Variants in ELMO1 observed in about 807,000 individuals in gnomAD.
ELMO1 encodes engulfment and cell motility 1.
ELMO1 carries 26 observed loss-of-function variants against 98.9 expected under a neutral mutation model. The ratio of observed to expected loss-of-function variants is 0.26; its 90% CI spans 0.19 to 0.36. The LOEUF is 0.36. Among genes scored for constraint, ELMO1 ranks in the 10% least tolerant of loss-of-function variants. The pLI, the probability that ELMO1 is intolerant of heterozygous loss-of-function variation, is 1.00. For missense variants in ELMO1, 627 were observed against 935.2 expected, an observed-to-expected ratio of 0.67 and a Z score of 4.30; for synonymous variants, 346 against 346.0, an observed-to-expected ratio of 1.00 and a Z score of 0.00.
At chr7:36,950,997 C>T (rs1276310392) in intron 16 of ELMO1, among the ~76,000 whole-genome samples, 1 of 152,216 alleles carries the variant, frequency 6.6e-6, no homozygotes, top group Non-Finnish European at 1.5e-5. Context: ...CTCTCCACCA[C>T]TACCCCTGTC....
chr7:37,235,596 A>G (rs1192442695), intron 7 of ELMO1, among the ~76,000 whole-genome samples: 1 of 152,240 alleles, frequency 6.6e-6, no homozygotes, highest in Non-Finnish European at 1.5e-5. Context: ...ACAGCAGCAC[A>G]GGCAATGGAA....
intron 16 of ELMO1, among the ~76,000 whole-genome samples, chr7:37,009,985 G>T (rs1178276476): frequency 1.3e-5 from 2 of 152,214 alleles, no homozygotes; most frequent in East Asian, 3.8e-4. Flanking sequence ...ATCAAGTAAA[G>T]CAGAACAGTG....
chr7:36,903,875 G>A (rs1053861469), intron 16 of ELMO1, among the ~76,000 whole-genome samples: 9 of 152,212 alleles, frequency 5.9e-5, no homozygotes, highest in Admixed American at 5.2e-4. Context: ...CCGACAGCAC[G>A]GATAGGATTG....
At position 37,225,045 on chromosome 7, in the gene ELMO1, G is replaced by T; in HGVS notation, c.550-15C>A. ...AAACTTGCTATCTGAAAATCCAAGT[G>T]GGACACAATTGACTGCTCGTGGTAA... On this transcript the variant is annotated splice_polypyrimidine_tract_variant and intron_variant, in intron 8 of 21. Coordinates refer to ENST00000310758, the MANE Select transcript of ELMO1 (RefSeq NM_014800.11). 1 of 1,613,922 alleles carries T rather than the reference G, an allele frequency of 6.2e-7. No individual in the cohort carries two copies. Among genetic ancestry groups the T allele is most frequent in the Non-Finnish European group, 8.5e-7 (1 of 1,179,896 alleles).
At chr7:37,010,078 A>T (rs891195516) in intron 16 of ELMO1, among the ~76,000 whole-genome samples, 5 of 152,214 alleles carry the variant, frequency 3.3e-5, no homozygotes, top group Non-Finnish European at 7.3e-5. Flanking sequence ...CTTCCTTTTT[A>T]AAAAGGCTAG....
intron 16 of ELMO1, among the ~76,000 whole-genome samples, chr7:36,946,931 G>T (rs1373423525): frequency 6.6e-6 from 1 of 152,066 alleles, no homozygotes; most frequent in Non-Finnish European, 1.5e-5. Context: ...TAATCACAAT[G>T]AATTAATTTA....
intron 1 of ELMO1, among the ~76,000 whole-genome samples, chr7:37,360,278 A>G (rs140400275): frequency 3.3e-5 from 5 of 152,328 alleles, no homozygotes; most frequent in Admixed American, 3.3e-4. Context: ...AAACTGAAAG[A>G]ATCACTTTTT....
chr7:37,085,735 C>G (rs1783732035), intron 15 of ELMO1, among the ~76,000 whole-genome samples: 1 of 152,112 alleles, frequency 6.6e-6, no homozygotes, highest in Admixed American at 6.5e-5. Flanking sequence ...GCACTTTACA[C>G]CTTTGGAATG....
rs151205077 is a variant in ELMO1, at chr7:37,340,219, GT to G, written c.78+2393del. Among the ~76,000 whole-genome samples the G allele has an allele frequency of 1.1e-3, 160 of 152,278 alleles. 6 individuals carry two copies. The East Asian group carries it at 0.028, about 27-fold the overall frequency. The stretch of plus-strand genomic sequence containing the variant: ...TATACCAGTATTCAATTTATTTCTG[GT>G]TTTATAAATGTACTGTGATTATTAT... On this transcript the variant is annotated intron_variant, in intron 2 of 21. Transcript: ENST00000310758.
Position 37,233,818 on chromosome 7 carries a change from C to T in ELMO1, c.450-624G>A, listed in dbSNP as rs1351348872. ...CTCATTTTGATTTTGGCCAGCATTT[C>T]GTCTTTAGTTAGTAACTTTTCTGGC... On this transcript the variant is annotated intron_variant, in intron 7 of 21. Coordinates refer to ENST00000310758, the MANE Select transcript of ELMO1 (RefSeq NM_014800.11). Among the ~76,000 whole-genome samples the T allele has an allele frequency of 2.0e-5, 3 of 152,128 alleles. No individual in the cohort carries two copies. In the East Asian group the frequency reaches 5.8e-4, roughly 29 times the overall value.
At chr7:37,383,830 GTT>G (rs1802673349) in intron 1 of ELMO1, among the ~76,000 whole-genome samples, 2 of 152,084 alleles carry the variant, frequency 1.3e-5, no homozygotes. Flanking sequence ...TGTTGTTGTT[GTT>G]TGAGATGGAG....
chr7:37,216,809 T>G lies in ELMO1; in HGVS notation c.781-114A>C, dbSNP rs1440470186. 3 of 1,033,318 alleles carry G rather than the reference T, an allele frequency of 2.9e-6. No individual in the cohort carries two copies. In the East Asian group the frequency reaches 7.3e-5, roughly 25 times the overall value. 64.0% of individuals were successfully genotyped at this position (1,033,318 alleles called of 1,614,324 possible). ...TTCGTAACTGTATATCAGCAGTATTTCTTATGAAATAATGAACTCAAACAG... is the reference window on the plus strand; with the variant it reads ...TTCGTAACTGTATATCAGCAGTATTGCTTATGAAATAATGAACTCAAACAG... On this transcript the variant is annotated intron_variant, in intron 10 of 21. Transcript: ENST00000310758.
chr7:37,301,233 G>A (rs1202494138), intron 4 of ELMO1, among the ~76,000 whole-genome samples: 14 of 151,452 alleles, frequency 9.2e-5, no homozygotes, highest in African/African-American at 2.9e-4. Flanking sequence ...GTCATGGAGA[G>A]AAGGAAAGGA....
intron 16 of ELMO1, among the ~76,000 whole-genome samples, chr7:36,917,138 T>C (rs1784765683): frequency 6.6e-6 from 1 of 152,238 alleles, no homozygotes; most frequent in African/African-American, 2.4e-5. Flanking sequence ...AATAACATGA[T>C]TTAATTTATT....
intron 1 of ELMO1, among the ~76,000 whole-genome samples, chr7:37,428,030 G>GGGGT (rs71554509): frequency 0.014 from 2,086 of 149,896 alleles, 25 homozygotes; most frequent in African/African-American, 0.038. Context: ...GTATGCTTGG[G>GGGGT]GTGTGTGTGT....
chr7:37,117,653 C>T (rs551317753), intron 14 of ELMO1, among the ~76,000 whole-genome samples: 3 of 152,042 alleles, frequency 2.0e-5, no homozygotes, highest in Non-Finnish European at 2.9e-5. Context: ...TCACAATCAA[C>T]GAAATTAATG....
At chr7:37,203,968 A>G (rs926193074) in intron 13 of ELMO1, 4 of 424,054 alleles carry the variant, frequency 9.4e-6, no homozygotes, top group Non-Finnish European at 1.9e-5. Context: ...GCCCTTTCCC[A>G]GAAAGCCTGA....
intron 1 of ELMO1, among the ~76,000 whole-genome samples, chr7:37,396,733 A>T (rs1396863544): frequency 6.6e-6 from 1 of 152,234 alleles, no homozygotes; most frequent in Non-Finnish European, 1.5e-5. Flanking sequence ...TGGGGACAAT[A>T]ATTCACTATG....
chr7:37,007,795 A>C (rs1207370626), intron 16 of ELMO1, among the ~76,000 whole-genome samples: 1 of 152,096 alleles, frequency 6.6e-6, no homozygotes, highest in Non-Finnish European at 1.5e-5. Flanking sequence ...CCTATGAATA[A>C]TCTTCATAGG....
Sources: allele counts gnomAD v4.1 joint callset (sites outside exome capture counted in the v4.1 genomes callset), GRCh38; gene constraint gnomAD v4.1.1; transcripts MANE v1.5; gene names NCBI Gene and HGNC (gene_info 2026-07-23, HGNC 2026-07-21).